The following BTBD9 variants were observed in gnomAD, a reference collection of about 807,000 sequenced individuals.
BTBD9 encodes BTB/POZ domain-containing protein 9.
Under a neutral mutation model 64.3 loss-of-function variants are expected in BTBD9, and 49 were observed. The ratio of observed to expected loss-of-function variants is 0.76; its 90% confidence interval spans 0.61 to 0.97. The LOEUF (loss-of-function observed/expected upper bound fraction) is 0.97. Ranked by LOEUF, BTBD9 falls within the 50% of genes least tolerant of loss-of-function variation. The pLI is 0.00. For missense variants in BTBD9, 598 were observed against 762.1 expected (o/e 0.78, Z 2.53); for synonymous variants, 260 against 274.7 (o/e 0.95, Z 0.53).
At chr6:38,274,527 A>G (rs1765309766) in intron 8 of BTBD9, among the ~76,000 whole-genome samples, 1 of 152,152 alleles carries the variant, frequency 6.6e-6, no homozygotes, top group Non-Finnish European at 1.5e-5. Context: ...TGTCATAGAT[A>G]GCTCTTATTA....
intron 6 of BTBD9, among the ~76,000 whole-genome samples, chr6:38,382,661 C>T (rs1765987485): frequency 6.6e-6 from 1 of 151,380 alleles, no homozygotes. Flanking sequence ...AAAAGGGTGA[C>T]AAAATTTAAG....
chr6:38,618,903 CA>C (rs1777889505), intron 1 of BTBD9, among the ~76,000 whole-genome samples: 1 of 152,182 alleles, frequency 6.6e-6, no homozygotes, highest in Non-Finnish European at 1.5e-5. Context: ...GAGAAAGGGA[CA>C]ATTTCCCTAC....
intron 1 of BTBD9, among the ~76,000 whole-genome samples, chr6:38,610,772 G>A (rs991636228): frequency 6.6e-6 from 1 of 152,138 alleles, no homozygotes; most frequent in African/African-American, 2.4e-5. Context: ...ACTGTTGTAA[G>A]TATAAACTGG....
chr6:38,610,538 T>C (rs1047080943), intron 1 of BTBD9, among the ~76,000 whole-genome samples: 5 of 152,276 alleles, frequency 3.3e-5, no homozygotes, highest in Non-Finnish European at 7.4e-5. Context: ...ATAAACACTG[T>C]GGTGGATAGA....
At chr6:38,199,895 C>A (rs1762398771) in intron 9 of BTBD9, among the ~76,000 whole-genome samples, 1 of 152,244 alleles carries the variant, frequency 6.6e-6, no homozygotes, top group South Asian at 2.1e-4. Flanking sequence ...GCCTGGGCTG[C>A]TGCCCCTAAA....
chr6:38,289,456 G>A (rs2127556161), intron 7 of BTBD9, among the ~76,000 whole-genome samples: 1 of 152,112 alleles, frequency 6.6e-6, no homozygotes, highest in Admixed American at 6.5e-5. Context: ...AGGTACATAG[G>A]TATTTGTTTT....
At chr6:38,360,106 C>T (rs558850013) in intron 6 of BTBD9, among the ~76,000 whole-genome samples, 90 of 152,046 alleles carry the variant, frequency 5.9e-4, no homozygotes, top group Non-Finnish European at 1.2e-3. Flanking sequence ...TTAAAGAAGT[C>T]CCCCAATCCA....
rs1460092306 is a variant in BTBD9 at position 38,171,891 on chromosome 6, A to G, written c.*3094T>C. On this transcript the variant is annotated 3_prime_UTR_variant, in exon 11 of 11. Transcript: ENST00000481247. The stretch of plus-strand genomic sequence containing the variant: ...AAAAAAAAAAAAAAAAATAATAATA[A>G]TAATAATAATAATAATAATGAAAAG... 3 of 142,186 alleles carry G rather than the reference A, an allele frequency of 2.1e-5. No individual in the cohort carries two copies. The highest frequency in any genetic ancestry group is 2.2e-4 in the South Asian group (1 of 4,600). 8.8% of individuals were successfully genotyped at this position (142,186 alleles called of 1,614,324 possible).
chr6:38,497,961 T>C (rs1221534303), intron 6 of BTBD9, among the ~76,000 whole-genome samples: 2 of 152,234 alleles, frequency 1.3e-5, no homozygotes, highest in Non-Finnish European at 2.9e-5. Context: ...ATAATGTGTG[T>C]TAGGCATGCT....
At chr6:38,457,311 C>A (rs1769865636) in intron 6 of BTBD9, among the ~76,000 whole-genome samples, 1 of 152,134 alleles carries the variant, frequency 6.6e-6, no homozygotes, top group African/African-American at 2.4e-5. Context: ...AAATACTTTA[C>A]TGGAAGACCA....
chr6:38,312,583 T>A (rs73422832), intron 7 of BTBD9, among the ~76,000 whole-genome samples: 4,631 of 152,302 alleles, frequency 0.03, 222 homozygotes, highest in African/African-American at 0.11. Flanking sequence ...TATTTGTATA[T>A]GGAGAGGGAG....
intron 7 of BTBD9, among the ~76,000 whole-genome samples, chr6:38,302,485 G>GTATGTATATATATA (rs1384155514): frequency 9.4e-6 from 1 of 106,908 alleles, no homozygotes; most frequent in Non-Finnish European, 1.9e-5. Context: ...TTGTGTGTAT[G>GTATGTATATATATA]TATATATATA....
chr6:38,542,492 G>C (rs73410400), intron 6 of BTBD9, among the ~76,000 whole-genome samples: 2,233 of 152,060 alleles, frequency 0.015, 54 homozygotes, highest in African/African-American at 0.051. Flanking sequence ...TTTTCCCCCT[G>C]CATTTCCACT....
chr6:38,566,975 G>A (rs2127461577), intron 6 of BTBD9, among the ~76,000 whole-genome samples: 1 of 152,156 alleles, frequency 6.6e-6, no homozygotes, highest in South Asian at 2.1e-4. Flanking sequence ...TTTTTCCTTA[G>A]AAAAATATCA....
intron 6 of BTBD9, among the ~76,000 whole-genome samples, chr6:38,566,856 C>T (rs1401819141): frequency 6.6e-6 from 1 of 152,144 alleles, no homozygotes; most frequent in East Asian, 1.9e-4. Context: ...AACTGGGAAA[C>T]GCGTGCATGC....
At chr6:38,471,322 C>T (rs1032810752) in intron 6 of BTBD9, among the ~76,000 whole-genome samples, 2 of 152,110 alleles carry the variant, frequency 1.3e-5, no homozygotes, top group South Asian at 2.1e-4. Flanking sequence ...AGGTGGTACT[C>T]GGCAGTGATG....
chr6:38,402,954 T>C (rs892525581), intron 6 of BTBD9: 8 of 642,568 alleles, frequency 1.2e-5, no homozygotes, highest in Non-Finnish European at 2.2e-5. Flanking sequence ...GCACCTGTCA[T>C]CCCAGCTACT....
intron 7 of BTBD9, among the ~76,000 whole-genome samples, chr6:38,308,858 A>G (rs1288203112): frequency 6.6e-6 from 1 of 151,818 alleles, no homozygotes; most frequent in African/African-American, 2.4e-5. Context: ...CCTGAGCTCA[A>G]GCATTTCTCT....
intron 6 of BTBD9, among the ~76,000 whole-genome samples, chr6:38,513,447 C>CAA (rs201446893): frequency 1.6e-5 from 2 of 125,436 alleles, no homozygotes; most frequent in Non-Finnish European, 3.4e-5. Context: ...GACTCTGTCT[C>CAA]AAAAAAAAAA....
Sources: allele counts gnomAD v4.1 joint callset (sites outside exome capture counted in the v4.1 genomes callset), GRCh38; gene constraint gnomAD v4.1.1; transcripts MANE v1.5; gene names NCBI Gene and HGNC (gene_info 2026-07-23, HGNC 2026-07-21).